SLC9D1: variants seen among roughly 807,000 people sequenced by gnomAD.
SLC9D1 encodes the protein putative LAG1-interacting protein.
the SLC9D1 span, chr13:113,514,471 G>A: frequency 6.6e-6 from 1 of 151,284 alleles, no homozygotes; most frequent in Non-Finnish European, 1.5e-5. Flanking sequence ...CAGGCTGATG[G>A]GACTGAGATC....
chr13:113,500,410 GT>G, the SLC9D1 span, among the ~76,000 whole-genome samples: 1 of 152,178 alleles, frequency 6.6e-6, no homozygotes, highest in Non-Finnish European at 1.5e-5. Flanking sequence ...AGGAGTTACT[GT>G]AATGGGATTA....
the SLC9D1 span, among the ~76,000 whole-genome samples, chr13:113,494,563 A>G: frequency 1.3e-5 from 2 of 152,322 alleles, no homozygotes; most frequent in East Asian, 1.9e-4. Flanking sequence ...GGATAAATTA[A>G]TATACATTGT....
chr13:113,511,523 T>C, the SLC9D1 span, among the ~76,000 whole-genome samples: 2 of 152,176 alleles, frequency 1.3e-5, no homozygotes, highest in Admixed American at 1.3e-4. Context: ...TTTAAAAATC[T>C]GCGGCTTTCT....
chr13:113,509,264 G>T, the SLC9D1 span, among the ~76,000 whole-genome samples: 1 of 143,762 alleles, frequency 7.0e-6, no homozygotes, highest in Non-Finnish European at 1.5e-5. Context: ...TGTCTATGTT[G>T]GGACTGGTGG....
chr13:113,549,258 C>T, the SLC9D1 span, among the ~76,000 whole-genome samples: 1 of 151,906 alleles, frequency 6.6e-6, no homozygotes, highest in Non-Finnish European at 1.5e-5. Flanking sequence ...CATCCCCCAC[C>T]CCCCCGTGCA....
At chr13:113,495,965 CGT>C in the SLC9D1 span, 2 of 1,613,608 alleles carry the variant, frequency 1.2e-6, no homozygotes, top group Non-Finnish European at 1.7e-6. Context: ...ACAAAGATGT[CGT>C]GAACATGAAG....
the SLC9D1 span, among the ~76,000 whole-genome samples, chr13:113,515,764 G>A: frequency 4.0e-5 from 6 of 151,622 alleles, no homozygotes; most frequent in Admixed American, 2.6e-4. Flanking sequence ...GGTGGCGGGC[G>A]CCTGTAGTCC....
At chr13:113,533,958 T>C in the SLC9D1 span, 3 of 1,027,530 alleles carry the variant, frequency 2.9e-6, no homozygotes, top group Non-Finnish European at 4.4e-6. Context: ...TTGTAGCATG[T>C]TAAAGAAAAA....
At chr13:113,526,254 C>G in the SLC9D1 span, among the ~76,000 whole-genome samples, 1 of 151,986 alleles carries the variant, frequency 6.6e-6, no homozygotes, top group African/African-American at 2.4e-5. Flanking sequence ...TAGAAAAAAA[C>G]GTATAGAATA....
the SLC9D1 span, among the ~76,000 whole-genome samples, chr13:113,509,765 G>C: frequency 6.6e-6 from 1 of 152,044 alleles, no homozygotes; most frequent in Non-Finnish European, 1.5e-5. Context: ...CGATTGAAGC[G>C]TGCTTTCTTC....
the SLC9D1 span, chr13:113,520,725 A>G: frequency 3.7e-6 from 6 of 1,608,032 alleles, no homozygotes; most frequent in Non-Finnish European, 5.1e-6. Flanking sequence ...GCGCCAGTGC[A>G]TCTTCTAGGT....
the SLC9D1 span, among the ~76,000 whole-genome samples, chr13:113,537,376 G>A: frequency 0.18 from 26,649 of 152,196 alleles, 3,269 homozygotes; most frequent in African/African-American, 0.35. Context: ...CCCGTGGGCC[G>A]CTGCTTCTGG....
the SLC9D1 span, chr13:113,496,056 G>A: frequency 2.7e-6 from 4 of 1,472,264 alleles, no homozygotes. Context: ...GAGAGAGAGA[G>A]GGAGAGGGAG....
chr13:113,503,107 G>A, the SLC9D1 span, among the ~76,000 whole-genome samples: 1 of 152,228 alleles, frequency 6.6e-6, no homozygotes, highest in South Asian at 2.1e-4. Context: ...CCTGCCCTTT[G>A]CAAATAAAAG....
At chr13:113,503,428 T>G in the SLC9D1 span, 2 of 1,207,570 alleles carry the variant, frequency 1.7e-6, no homozygotes, top group South Asian at 2.5e-5. Flanking sequence ...AGGGCATGAT[T>G]GTTGAGTTAA....
the SLC9D1 span, chr13:113,534,211 A>T: frequency 6.2e-7 from 1 of 1,613,970 alleles, no homozygotes; most frequent in Non-Finnish European, 8.5e-7. Context: ...GATCTTGGGA[A>T]TATCTGCCTT....
the SLC9D1 span, among the ~76,000 whole-genome samples, chr13:113,526,767 T>C: frequency 6.6e-6 from 1 of 152,220 alleles, no homozygotes; most frequent in Non-Finnish European, 1.5e-5. Flanking sequence ...TGCCGTGGTT[T>C]ACAGTAGTGT....
At chr13:113,541,053 G>C in the SLC9D1 span, among the ~76,000 whole-genome samples, 1 of 152,110 alleles carries the variant, frequency 6.6e-6, no homozygotes, top group African/African-American at 2.4e-5. Flanking sequence ...TAGGTCTTCT[G>C]CCTGTCCCGA....
chr13:113,496,128 G>A, the SLC9D1 span: 4 of 813,054 alleles, frequency 4.9e-6, no homozygotes, highest in Admixed American at 2.8e-5. Context: ...CAGCCCACAC[G>A]GAGCTGGGGA....
Sources: gnomAD v4.1 joint callset for allele counts (sites outside exome capture counted in the v4.1 genomes callset) on GRCh38, gnomAD v4.1.1 for gene constraint, MANE v1.5 for transcripts, NCBI Gene and HGNC (gene_info 2026-07-23, HGNC 2026-07-21) for gene names.